RABGAP1L: variants seen among roughly 807,000 people sequenced by gnomAD.
RABGAP1L encodes RAB GTPase activating protein 1 like, also known as rab GTPase-activating protein 1-like.
RABGAP1L carries 63 observed loss-of-function variants against 137.7 expected under a neutral mutation model. The ratio of observed to expected loss-of-function variants is 0.46; its 90% confidence interval spans 0.37 to 0.56. RABGAP1L has a LOEUF of 0.56. Ranked by LOEUF, RABGAP1L falls within the 20% of genes least tolerant of loss-of-function variation. RABGAP1L has a pLI of 0.00. For synonymous variants in RABGAP1L, 431 were observed against 433.7 expected, an observed-to-expected ratio of 0.99 and a Z score of 0.08; for missense variants, 1,095 against 1,244.0, an observed-to-expected ratio of 0.88 and a Z score of 1.80.
intron 1 of RABGAP1L, among the ~76,000 whole-genome samples, chr1:174,206,776 A>G (rs1668532658): frequency 6.6e-6 from 1 of 152,152 alleles, no homozygotes; most frequent in Non-Finnish European, 1.5e-5. Flanking sequence ...TCAGTTAGAC[A>G]TTGCTGAATA....
At chr1:174,850,069 G>C in intron 19 of RABGAP1L, 9 of 539,168 alleles carry the variant, frequency 1.7e-5, no homozygotes, top group South Asian at 1.3e-4. Flanking sequence ...TTGGTAGAGG[G>C]GTGTCTGGGA....
rs1454961172 is a variant in RABGAP1L, at chr1:174,542,795, C to T, written c.1711-94580C>T. ...TCCCAGAGATTCTGGTATGTTGTGT[C>T]TTTGTTCTCATTGGTTTCAAAGTAC... On this transcript the variant is annotated intron_variant, in intron 13 of 25. Transcript: ENST00000681986. Among the ~76,000 whole-genome samples, 3 of 152,170 alleles carry T rather than the reference C, an allele frequency of 2.0e-5. No homozygotes were observed. In the East Asian group the frequency reaches 5.8e-4, roughly 29 times the overall value.
At chr1:174,905,057 C>G (rs954513189) in intron 19 of RABGAP1L, among the ~76,000 whole-genome samples, 1 of 152,120 alleles carries the variant, frequency 6.6e-6, no homozygotes, top group African/African-American at 2.4e-5. Context: ...CAATCATGCA[C>G]TAGCGTCAAG....
rs751296977 is a variant in RABGAP1L at position 174,881,492 on chromosome 1, CTTTT to C, written c.2340+69553_2340+69556del. Among the ~76,000 whole-genome samples, 99 of 85,842 alleles carry C rather than the reference CTTTT, an allele frequency of 1.2e-3. 1 individual carries two copies. Among genetic ancestry groups the C allele is most frequent in the Admixed American group, 9.7e-4 (6 of 6,162 alleles). The allele number at this position is 85,842 out of a possible 152,430, so 56.3% of individuals were successfully genotyped here. A position where few individuals can be genotyped will look rare whatever the true frequency, so the allele number is the denominator to read the frequency against. ...GCAAGATAAAAATATATATCATTTGCTTTTTTTTTTTTTTTTTTTTTTTTAAATA... is the reference window on the plus strand; with the variant it reads ...GCAAGATAAAAATATATATCATTTGCTTTTTTTTTTTTTTTTTTTTAAATA... On this transcript the variant is annotated intron_variant, in intron 19 of 25. Coordinates refer to ENST00000681986, the MANE Select transcript of RABGAP1L (RefSeq NM_001366446.1).
chr1:174,657,302 G>A (rs971518786), intron 14 of RABGAP1L, among the ~76,000 whole-genome samples: 1 of 152,032 alleles, frequency 6.6e-6, no homozygotes, highest in African/African-American at 2.4e-5. Context: ...ATTATTGTTA[G>A]CTATAGTCAT....
chr1:174,980,326 C>T (rs1203142157), intron 23 of RABGAP1L, among the ~76,000 whole-genome samples: 1 of 152,126 alleles, frequency 6.6e-6, no homozygotes, highest in Non-Finnish European at 1.5e-5. Flanking sequence ...TTAATGCCTG[C>T]TCTCTGTGAG....
At chr1:174,618,018 C>A (rs1192384378) in intron 13 of RABGAP1L, among the ~76,000 whole-genome samples, 1 of 152,222 alleles carries the variant, frequency 6.6e-6, no homozygotes, top group Non-Finnish European at 1.5e-5. Context: ...CTTGGAGGGT[C>A]CTATGCCCAC....
At chr1:174,170,215 G>C (rs1665240658) in intron 1 of RABGAP1L, among the ~76,000 whole-genome samples, 1 of 152,120 alleles carries the variant, frequency 6.6e-6, no homozygotes, top group South Asian at 2.1e-4. Context: ...TCTCCTCTTT[G>C]CACATTAACC....
At chr1:174,328,505 C>G (rs147388125) in intron 11 of RABGAP1L, among the ~76,000 whole-genome samples, 3 of 152,274 alleles carry the variant, frequency 2.0e-5, no homozygotes, top group African/African-American at 7.2e-5. Flanking sequence ...CACGTTGTCT[C>G]ATGCCTGTAA....
intron 13 of RABGAP1L, among the ~76,000 whole-genome samples, chr1:174,498,362 A>G (rs906622283): frequency 6.6e-6 from 1 of 152,198 alleles, no homozygotes; most frequent in Non-Finnish European, 1.5e-5. Context: ...GTTGAATTCA[A>G]ATTGGTTTTA....
intron 15 of RABGAP1L, among the ~76,000 whole-genome samples, chr1:174,696,274 G>A (rs1272538554): frequency 1.3e-5 from 2 of 152,010 alleles, no homozygotes; most frequent in East Asian, 3.9e-4. Context: ...GCAGGACAAA[G>A]TCCTCTTTAC....
rs367685627 is a variant in RABGAP1L, at chr1:174,231,204, T to C, written c.391T>C (p.Phe131Leu). The change falls in exon 4 of 26, where the codon TTT becomes CTT. Residue 131 changes from phenylalanine to leucine, a missense_variant. Physicochemically the swap from Phe to Leu is conservative, Grantham distance 22. Coordinates refer to ENST00000681986, the MANE Select transcript of RABGAP1L (RefSeq NM_001366446.1). ...GGLPEEDSVL[F>L]NKLTYLGCMK... ...ACTACCTGAAGAAGATAGTGTTTTATTTAATAAACTGACCTACTTAGGATG... is the reference window on the plus strand; with the variant it reads ...ACTACCTGAAGAAGATAGTGTTTTACTTAATAAACTGACCTACTTAGGATG... 2.8e-5 allele frequency: 45 copies of C among 1,613,982 alleles called. No individual in the cohort carries two copies. Among genetic ancestry groups the C allele is most frequent in the Non-Finnish European group, 3.8e-5 (45 of 1,179,904 alleles).
chr1:174,284,602 A>G (rs953535843), intron 10 of RABGAP1L, among the ~76,000 whole-genome samples: 2 of 152,120 alleles, frequency 1.3e-5, no homozygotes, highest in Non-Finnish European at 2.9e-5. Flanking sequence ...TGTGATAGCT[A>G]GATCATGTGG....
chr1:174,958,154 G>T, intron 20 of RABGAP1L: 1 of 1,466,340 alleles, frequency 6.8e-7, no homozygotes, highest in African/African-American at 1.4e-5. Context: ...CACTTGGAAG[G>T]AAAAATAAAA....
intron 13 of RABGAP1L, among the ~76,000 whole-genome samples, chr1:174,636,506 C>T (rs150579874): frequency 1.4e-5 from 2 of 141,892 alleles, no homozygotes; most frequent in East Asian, 2.0e-4. Flanking sequence ...CCAGCCCGGG[C>T]AACAGTGTGA....
intron 11 of RABGAP1L, among the ~76,000 whole-genome samples, chr1:174,354,121 G>C (rs757967911): frequency 2.7e-4 from 41 of 152,196 alleles, no homozygotes; most frequent in Non-Finnish European, 5.1e-4. Flanking sequence ...GATCTGCCCA[G>C]TTAGAGATGG....
At chr1:174,959,555 G>C (rs1558283828) in intron 20 of RABGAP1L, among the ~76,000 whole-genome samples, 1 of 152,112 alleles carries the variant, frequency 6.6e-6, no homozygotes, top group Non-Finnish European at 1.5e-5. Context: ...AGTTTTTATT[G>C]AGAGATCAAA....
chr1:174,782,748 C>T lies in RABGAP1L; in HGVS notation c.2212-29084C>T, dbSNP rs571476892. ...AAGAATTCCTAAACCTAGCTGTGGA[C>T]GGTGACCACACCCACCTTTAAACAC... On this transcript the variant is annotated intron_variant, in intron 18 of 25. Transcript: ENST00000681986. Among the ~76,000 whole-genome samples, 10 of 152,256 alleles carry T rather than the reference C, an allele frequency of 6.6e-5. No homozygotes were observed. The East Asian group carries it at 9.6e-4, about 15-fold the overall frequency.
intron 13 of RABGAP1L, among the ~76,000 whole-genome samples, chr1:174,456,098 T>A (rs903689309): frequency 4.6e-5 from 7 of 152,112 alleles, no homozygotes; most frequent in Non-Finnish European, 1.0e-4. Flanking sequence ...TTTCTTTTAA[T>A]TTGTGACATA....
Sources: gnomAD v4.1 joint callset for allele counts (sites outside exome capture counted in the v4.1 genomes callset) on GRCh38, gnomAD v4.1.1 for gene constraint, MANE v1.5 for transcripts, NCBI Gene and HGNC (gene_info 2026-07-23, HGNC 2026-07-21) for gene names.